Variants in HUNK observed in about 807,000 individuals in gnomAD.
HUNK encodes hormonally up-regulated neu tumor-associated kinase.
HUNK carries 21 observed loss-of-function variants against 61.0 expected under a neutral mutation model. The observed-to-expected ratio is 0.34, with a 90% CI of 0.24 to 0.50. The LOEUF (loss-of-function observed/expected upper bound fraction) is 0.50, where lower values mean the gene tolerates loss of function less well. Ranked by LOEUF, HUNK falls within the 20% of genes least tolerant of loss-of-function variation. The pLI, the probability that HUNK is intolerant of heterozygous loss-of-function variation, is 0.98. For missense variants in HUNK, 772 were observed against 945.7 expected (o/e 0.82, Z 2.41); for synonymous variants, 371 against 386.1 (o/e 0.96, Z 0.46).
intron 1 of HUNK, among the ~76,000 whole-genome samples, chr21:31,886,542 G>C (rs2052347401): frequency 6.6e-6 from 1 of 152,084 alleles, no homozygotes; most frequent in African/African-American, 2.4e-5. Flanking sequence ...TGATCCCATG[G>C]AATATATTTA....
chr21:31,900,463 A>ACAC (rs1158933351), intron 1 of HUNK, among the ~76,000 whole-genome samples: 1 of 151,742 alleles, frequency 6.6e-6, no homozygotes, highest in African/African-American at 2.4e-5. Context: ...ACACACACAC[A>ACAC]CACACACACA....
At chr21:31,947,444 T>G (rs764994938) in intron 4 of HUNK, among the ~76,000 whole-genome samples, 16 of 152,284 alleles carry the variant, frequency 1.1e-4, no homozygotes, top group Non-Finnish European at 2.2e-4. Context: ...CTGAGCTCCC[T>G]GCCAGGGAGT....
intron 5 of HUNK, among the ~76,000 whole-genome samples, chr21:31,959,763 G>A (rs963067816): frequency 6.6e-6 from 1 of 152,150 alleles, no homozygotes; most frequent in Non-Finnish European, 1.5e-5. Context: ...TTAAAATATA[G>A]CATTTTATTT....
At chr21:31,919,383 T>A (rs2052608168) in intron 1 of HUNK, among the ~76,000 whole-genome samples, 1 of 152,182 alleles carries the variant, frequency 6.6e-6, no homozygotes. Flanking sequence ...TTGGAAATAC[T>A]GCATTTGCAC....
Position 31,975,921 on chromosome 21 carries a change from G to A in HUNK, c.1173+1204G>A, listed in dbSNP as rs551724907. 3.3e-5 allele frequency among the ~76,000 whole-genome samples: 5 copies of A among 152,310 alleles called. No homozygotes were observed. The South Asian group carries it at 1.0e-3, about 32-fold the overall frequency. On this transcript the variant is annotated intron_variant, in intron 7 of 10. Transcript: ENST00000270112. ...TGCTGAACAGATGAAGATGCTCCAC[G>A]GGAGGTTGGTTAAACATTTGGATGA...
intron 7 of HUNK, among the ~76,000 whole-genome samples, chr21:31,982,948 C>T (rs1168926552): frequency 1.3e-5 from 2 of 152,100 alleles, no homozygotes; most frequent in African/African-American, 2.4e-5. Flanking sequence ...GGACTACAGG[C>T]GTGTGCCACC....
In HUNK at chr21:31,995,854, C is replaced by CA. The variant is rs1287083732; in HGVS notation, c.1395dup (p.Gln466ThrfsTer162). On this transcript the variant is annotated frameshift_variant, in exon 10 of 11. Coordinates refer to ENST00000270112, the MANE Select transcript of HUNK (RefSeq NM_014586.2). LOFTEE classifies it high-confidence loss of function. ...AGTTGGACAAGAACCTGCCCTCGCACAAACAGCCCTCAGGCTCGCTTATGA... is the reference window on the plus strand; with the variant it reads ...AGTTGGACAAGAACCTGCCCTCGCACAAAACAGCCCTCAGGCTCGCTTATGA... 6.2e-7 allele frequency: 1 copy of CA among 1,613,868 alleles called. No individual in the cohort carries two copies. The highest frequency in any genetic ancestry group is 8.5e-7 in the Non-Finnish European group (1 of 1,179,812).
intron 1 of HUNK, among the ~76,000 whole-genome samples, chr21:31,910,846 C>T (rs141466539): frequency 7.2e-5 from 11 of 152,280 alleles, no homozygotes; most frequent in Admixed American, 4.6e-4. Flanking sequence ...CTATACATAT[C>T]CTCCTGTATA....
chr21:31,990,025 A>G (rs1470501299), intron 8 of HUNK, 104 bp from the exon 9 acceptor site: 1 of 1,062,908 alleles, frequency 9.4e-7, no homozygotes, highest in Non-Finnish European at 1.5e-6. Flanking sequence ...TGAAAACCGA[A>G]ACGAATAATT....
chr21:31,980,162 C>G (rs938632754), intron 7 of HUNK, among the ~76,000 whole-genome samples: 1 of 152,094 alleles, frequency 6.6e-6, no homozygotes, highest in Non-Finnish European at 1.5e-5. Context: ...ACCTCCACCT[C>G]CTGGGTTCAA....
At chr21:31,942,247 C>T (rs78575055) in intron 3 of HUNK, among the ~76,000 whole-genome samples, 4 of 152,306 alleles carry the variant, frequency 2.6e-5, no homozygotes, top group East Asian at 3.9e-4. Flanking sequence ...AAGGTACAGA[C>T]GGAGTTTCCA....
chr21:31,879,693 C>G (rs1202131166), intron 1 of HUNK, among the ~76,000 whole-genome samples: 3 of 152,188 alleles, frequency 2.0e-5, no homozygotes, highest in Admixed American at 2.0e-4. Context: ...GCGCGGCAAT[C>G]ATCTGTCCCA....
intron 1 of HUNK, among the ~76,000 whole-genome samples, chr21:31,920,926 C>T (rs12106429): frequency 0.074 from 11,203 of 152,076 alleles, 525 homozygotes; most frequent in African/African-American, 0.11. Context: ...CCAAGGTGGG[C>T]GGATCACTTG....
chr21:31,875,035 T>TGGG (rs1362707724), intron 1 of HUNK, among the ~76,000 whole-genome samples: 1 of 152,128 alleles, frequency 6.6e-6, no homozygotes, highest in Non-Finnish European at 1.5e-5. Flanking sequence ...GCCCCCAGGC[T>TGGG]GGGGGTGGCT....
Position 31,940,227 on chromosome 21 carries a change from C to A in HUNK, c.610+7C>A. ...AATAATATCAAGCTGATTGGTATGACTTTTTTTTTTTTTTAAGCAAAAGTA... is the reference window on the plus strand; with the variant it reads ...AATAATATCAAGCTGATTGGTATGAATTTTTTTTTTTTTTAAGCAAAAGTA... On this transcript the variant is annotated splice_region_variant and intron_variant, in intron 3 of 10. Transcript: ENST00000270112. 13 of 1,300,828 alleles carry A rather than the reference C, an allele frequency of 1.0e-5. No homozygotes were observed. The highest frequency in any genetic ancestry group is 2.3e-5 in the Admixed American group (1 of 42,936). 80.6% of individuals were successfully genotyped at this position (1,300,828 alleles called of 1,614,324 possible).
chr21:31,897,625 G>A (rs1187651077), intron 1 of HUNK, among the ~76,000 whole-genome samples: 1 of 152,190 alleles, frequency 6.6e-6, no homozygotes, highest in Non-Finnish European at 1.5e-5. Flanking sequence ...CTGGGAGTTA[G>A]GACTCCAGCA....
At chr21:31,963,741 C>T (rs895517315) in intron 5 of HUNK, among the ~76,000 whole-genome samples, 2 of 152,154 alleles carry the variant, frequency 1.3e-5, no homozygotes, top group Non-Finnish European at 2.9e-5. Context: ...AACTCCTGGG[C>T]TCAAGCAATC....
chr21:31,917,521 A>G (rs906925910), intron 1 of HUNK, among the ~76,000 whole-genome samples: 1 of 152,092 alleles, frequency 6.6e-6, no homozygotes, highest in Non-Finnish European at 1.5e-5. Context: ...ATCTTCTTGG[A>G]AATATGGGGG....
In HUNK at chr21:31,873,701, C is replaced by A. The variant is rs2052233095; in HGVS notation, c.27C>A (p.Leu9=). Residue 9 remains leucine (L), a synonymous_variant, in exon 1 of 11, where the codon CTC becomes CTA. Transcript: ENST00000270112. This position sits in a 1 kb window ranked among gnomAD's most constrained non-coding sequence, Gnocchi z 6.1. The part of the protein sequence containing the change: MPAAAGDG[L]LGEPAAPGGG... ...TGCCGGCGGCGGCGGGGGACGGGCT[C>A]CTGGGGGAGCCGGCGGCGCCTGGGG... The A allele has an allele frequency of 8.8e-7, 1 of 1,136,530 alleles. No individual in the cohort carries two copies. The highest frequency in any genetic ancestry group is 4.2e-5 in the South Asian group (1 of 24,064). 70.4% of individuals were successfully genotyped at this position (1,136,530 alleles called of 1,614,324 possible).
Sources: gnomAD v4.1 joint callset for allele counts (sites outside exome capture counted in the v4.1 genomes callset) on GRCh38, gnomAD v4.1.1 for gene constraint, Gnocchi (gnomAD v3.1) non-coding constraint, MANE v1.5 for transcripts, NCBI Gene and HGNC (gene_info 2026-07-23, HGNC 2026-07-21) for gene names.